Variants in BCO1 observed in about 807,000 individuals in gnomAD.
BCO1 encodes beta-carotene oxygenase 1.
A neutral mutation model predicts 56.3 loss-of-function variants in BCO1; 54 were observed. The ratio of observed to expected loss-of-function variants is 0.96; its 90% CI spans 0.77 to 1.20. The LOEUF (loss-of-function observed/expected upper bound fraction) is 1.20, where lower values mean the gene tolerates loss of function less well. Ranked by LOEUF, BCO1 falls within the 50% of genes most tolerant of loss-of-function variation. The pLI is 0.00. For synonymous variants in BCO1, 318 were observed against 266.1 expected (o/e 1.20, Z -1.90); for missense variants, 801 against 690.9 (o/e 1.16, Z -1.79).
intron 2 of BCO1, among the ~76,000 whole-genome samples, chr16:81,255,503 A>AT (rs568362257): frequency 9.7e-4 from 144 of 149,194 alleles, no homozygotes; most frequent in Middle Eastern, 3.5e-3. Flanking sequence ...ATTTTTTTTT[A>AT]TTTTTTATTT....
chr16:81,248,749 C>T (rs1018194170), intron 2 of BCO1, among the ~76,000 whole-genome samples: 4 of 152,140 alleles, frequency 2.6e-5, no homozygotes, highest in African/African-American at 9.7e-5. Flanking sequence ...CGGTGGCTCA[C>T]GCCTGTAATC....
In BCO1 at chr16:81,280,976, T is replaced by A; in HGVS notation, c.1207+14T>A. On this transcript the variant is annotated intron_variant, in intron 8 of 10. Transcript: ENST00000258168. ...TTCTTTATGAAGGTAAAATGCATCC[T>A]CTTGTCCTGAGTTTAGGAAAGGGGC... is the stretch of plus-strand genomic sequence containing the variant. 1.3e-6 allele frequency: 2 copies of A among 1,590,614 alleles called. No individual in the cohort carries two copies. The highest frequency in any genetic ancestry group is 2.2e-5 in the East Asian group (1 of 44,700).
intron 7 of BCO1, among the ~76,000 whole-genome samples, chr16:81,275,315 A>AC (rs1907487901): frequency 6.6e-6 from 1 of 151,996 alleles, no homozygotes; most frequent in South Asian, 2.1e-4. Context: ...GAGCCCTGAG[A>AC]CCCCCATGTC....
At chr16:81,268,850 C>T (rs147316053) in intron 6 of BCO1, among the ~76,000 whole-genome samples, 21 of 151,096 alleles carry the variant, frequency 1.4e-4, no homozygotes, top group African/African-American at 4.9e-4. Flanking sequence ...ACAATCACAG[C>T]TCAGTGCACC....
chr16:81,240,834 T>TA (rs1411332677), intron 1 of BCO1, among the ~76,000 whole-genome samples: 1 of 75,906 alleles, frequency 1.3e-5, no homozygotes, highest in African/African-American at 5.4e-5. Context: ...CATTTAATTT[T>TA]AATTTTTTTT....
chr16:81,270,322 A>T lies in BCO1; in HGVS notation c.1007A>T (p.Tyr336Phe), dbSNP rs776073789. 18 of 1,614,110 alleles carry T rather than the reference A, an allele frequency of 1.1e-5. No homozygotes were observed. Among genetic ancestry groups the T allele is most frequent in the Non-Finnish European group, 1.4e-5 (17 of 1,180,030 alleles). Reference protein sequence around the residue: ...YEDNSLYQLFYLANLNQDFKE... With the variant: ...YEDNSLYQLFFLANLNQDFKE... ...GACAACAGCCTCTACCAGCTCTTCT[A>T]CCTGGCCAACCTGAACCAGGACTTC... The change falls in exon 7 of 11, where the codon TAC (tyrosine) becomes TTC (phenylalanine). Residue 336 changes from tyrosine (Y) to phenylalanine (F), a missense_variant. Transcript: ENST00000258168.
intron 8 of BCO1, among the ~76,000 whole-genome samples, chr16:81,284,839 C>CTT (rs763583150): frequency 4.4e-5 from 6 of 136,416 alleles, no homozygotes; most frequent in African/African-American, 1.6e-4. Flanking sequence ...CTTTTCTTTT[C>CTT]TTTTTTTTTT....
At position 81,259,956 on chromosome 16, in the gene BCO1, T is replaced by C. The variant is rs911336881; in HGVS notation, c.323+151T>C. On this transcript the variant is annotated intron_variant, in intron 3 of 10. Coordinates refer to ENST00000258168, the MANE Select transcript of BCO1 (RefSeq NM_017429.3). ...TTAACCAGAGGTGCTACACAGTTCT[T>C]GATCACTGATTGCCAGAGAGACTAA... 1.1e-5 allele frequency: 11 copies of C among 989,288 alleles called. No homozygotes were observed. The African/African-American group carries it at 1.8e-4, about 16-fold the overall frequency. The allele number at this position is 989,288 out of a possible 1,614,324, so 61.3% of individuals were successfully genotyped here.
At chr16:81,243,454 A>ATCATTCATTCAT (rs149998320) in intron 1 of BCO1, among the ~76,000 whole-genome samples, 15,504 of 150,948 alleles carry the variant, frequency 0.1, 901 homozygotes, top group African/African-American at 0.13. Flanking sequence ...CCTGGTCTTG[A>ATCATTCATTCAT]TCATTCATTC....
chr16:81,268,263 C>G lies in BCO1; in HGVS notation c.843+132C>G, dbSNP rs567816092. Reference sequence around the variant, plus strand: ...GGAGGCTACCAGAGGCATCTACCCACCTTCCAGCAAGTTCTGAAGCTGGAT... The same window carrying G: ...GGAGGCTACCAGAGGCATCTACCCAGCTTCCAGCAAGTTCTGAAGCTGGAT... On this transcript the variant is annotated intron_variant, in intron 6 of 10. Coordinates refer to ENST00000258168, the MANE Select transcript of BCO1 (RefSeq NM_017429.3). 6 of 837,736 alleles carry G rather than the reference C, an allele frequency of 7.2e-6. No homozygotes were observed. The Admixed American group carries it at 1.0e-4, about 14-fold the overall frequency. The allele number at this position is 837,736 out of a possible 1,614,324, so 51.9% of individuals were successfully genotyped here. A position where few individuals can be genotyped will look rare whatever the true frequency, so the allele number is the denominator to read the frequency against.
In BCO1 at chr16:81,284,819, G is replaced by GTTTTC. The variant is rs937182102; in HGVS notation, c.1208-701_1208-697dup. ...ATTTCTTTTCTTTTTGTTTTGTTTT[G>GTTTTC]TTTTCTTTTCTTTTCTTTTCTTTTT... On this transcript the variant is annotated intron_variant, in intron 8 of 10. Coordinates refer to ENST00000258168, the MANE Select transcript of BCO1 (RefSeq NM_017429.3). Among the ~76,000 whole-genome samples the GTTTTC allele has an allele frequency of 2.1e-4, 30 of 146,230 alleles. No individual in the cohort carries two copies. The East Asian group carries it at 2.4e-3, about 12-fold the overall frequency.
rs1904968391 is a variant in BCO1 at position 81,238,702 on chromosome 16, G to T, written c.-207G>T. 3.2e-6 allele frequency: 2 copies of T among 617,572 alleles called. No homozygotes were observed. The highest frequency in any genetic ancestry group is 5.6e-5 in the East Asian group (2 of 35,588). The allele number at this position is 617,572 out of a possible 1,614,324, so 38.3% of individuals were successfully genotyped here. ...GCAGCTTCCCTTGTGAATGTAAAGA[G>T]ATCCAGGGCTCTTGGAGAGGGACAA... On this transcript the variant is annotated 5_prime_UTR_variant, in exon 1 of 11. Transcript: ENST00000258168.
intron 3 of BCO1, among the ~76,000 whole-genome samples, chr16:81,260,175 C>G (rs1020979223): frequency 1.3e-4 from 20 of 152,004 alleles, no homozygotes; most frequent in Admixed American, 2.0e-4. Context: ...GAAAACAACC[C>G]AAATGTTCAT....
chr16:81,277,251 A>T (rs544340370), intron 7 of BCO1, among the ~76,000 whole-genome samples: 2 of 152,190 alleles, frequency 1.3e-5, no homozygotes, highest in South Asian at 4.1e-4. Context: ...GTGGGCCTCC[A>T]CTTGTACTCT....
chr16:81,268,562 T>C (rs1001571452), intron 6 of BCO1, among the ~76,000 whole-genome samples: 6 of 152,194 alleles, frequency 3.9e-5, no homozygotes, highest in African/African-American at 1.4e-4. Context: ...AATGACAGTA[T>C]GTTCCACCAG....
intron 2 of BCO1, among the ~76,000 whole-genome samples, chr16:81,253,219 A>C (rs754567469): frequency 6.6e-6 from 1 of 152,158 alleles, no homozygotes; most frequent in Non-Finnish European, 1.5e-5. Flanking sequence ...AGACCTGCCC[A>C]AGGTCACCCA....
chr16:81,265,496 A>G (rs1158927010), intron 5 of BCO1, among the ~76,000 whole-genome samples: 1 of 54,800 alleles, frequency 1.8e-5, no homozygotes, highest in Non-Finnish European at 4.1e-5. Context: ...CCCACCCATC[A>G]TGAATCCATT....
At chr16:81,287,448 G>A (rs1908250449) in intron 10 of BCO1, 42 bp downstream of exon 10, 1 of 1,500,862 alleles carries the variant, frequency 6.7e-7, no homozygotes, top group African/African-American at 1.4e-5. Context: ...GCACGTTACT[G>A]CAGATCGCCC....
intron 1 of BCO1, among the ~76,000 whole-genome samples, chr16:81,239,175 C>G (rs1322689998): frequency 6.6e-6 from 1 of 151,858 alleles, no homozygotes; most frequent in South Asian, 2.1e-4. Flanking sequence ...CACCACCAAG[C>G]CCGGCTAATC....
Sources: allele counts gnomAD v4.1 joint callset (sites outside exome capture counted in the v4.1 genomes callset), GRCh38; gene constraint gnomAD v4.1.1; transcripts MANE v1.5; gene names NCBI Gene and HGNC (gene_info 2026-07-23, HGNC 2026-07-21).